The following FLT1 variants were observed in gnomAD, a reference collection of about 807,000 sequenced individuals.
FLT1 encodes the protein vascular endothelial growth factor receptor 1.
Under a neutral mutation model 156.3 loss-of-function variants are expected in FLT1, and 49 were observed. The observed-to-expected ratio is 0.31, with a 90% CI of 0.25 to 0.40. The LOEUF (loss-of-function observed/expected upper bound fraction) is 0.40, where lower values mean the gene tolerates loss of function less well. FLT1 is among the 10% of genes least tolerant of loss of function. The probability of loss-of-function intolerance (pLI) is 1.00; values close to 1 mark genes in which losing one functional copy is unlikely to be tolerated. For missense variants in FLT1, 1,322 were observed against 1,637.2 expected, an observed-to-expected ratio of 0.81 and a Z score of 3.32; for synonymous variants, 594 against 583.8, an observed-to-expected ratio of 1.02 and a Z score of -0.25.
chr13:28,375,699 A>G (rs907751365), intron 14 of FLT1, among the ~76,000 whole-genome samples: 2 of 152,324 alleles, frequency 1.3e-5, no homozygotes, highest in East Asian at 1.9e-4. Flanking sequence ...CACATATTGA[A>G]GAGACAGGGC....
At chr13:28,411,929 G>A (rs73453268) in intron 10 of FLT1, among the ~76,000 whole-genome samples, 14,686 of 152,188 alleles carry the variant, frequency 0.096, 795 homozygotes, top group African/African-American at 0.13. Flanking sequence ...TGAAATCTGA[G>A]GACTTGTGTG....
intron 20 of FLT1, among the ~76,000 whole-genome samples, chr13:28,325,816 CAAAA>C (rs377427677): frequency 1.4e-5 from 1 of 71,164 alleles, no homozygotes; most frequent in Admixed American, 1.9e-4. Flanking sequence ...AACTCTGTCT[CAAAA>C]AAAAAAAAAA....
intron 10 of FLT1, among the ~76,000 whole-genome samples, chr13:28,414,467 C>T (rs1056278988): frequency 1.3e-5 from 2 of 152,148 alleles, no homozygotes; most frequent in South Asian, 2.1e-4. Context: ...AAAATGCACA[C>T]ATAAGGGAAA....
intron 1 of FLT1, among the ~76,000 whole-genome samples, chr13:28,476,185 A>C (rs1211230415): frequency 2.0e-5 from 3 of 152,190 alleles, no homozygotes; most frequent in African/African-American, 7.2e-5. Flanking sequence ...CTCCATGAGA[A>C]CGTCAAGTTT....
At chr13:28,370,733 C>T (rs1045625599) in intron 14 of FLT1, among the ~76,000 whole-genome samples, 3 of 152,202 alleles carry the variant, frequency 2.0e-5, no homozygotes, top group Non-Finnish European at 4.4e-5. Context: ...TATTTGTAAA[C>T]TGTGAACACA....
At chr13:28,459,622 C>T (rs939228240) in intron 3 of FLT1, among the ~76,000 whole-genome samples, 2 of 152,200 alleles carry the variant, frequency 1.3e-5, no homozygotes, top group African/African-American at 4.8e-5. Flanking sequence ...AAATCTATGC[C>T]TAAAAAATTC....
At chr13:28,344,240 C>T (rs1285137414) in intron 16 of FLT1, among the ~76,000 whole-genome samples, 1 of 152,078 alleles carries the variant, frequency 6.6e-6, no homozygotes, top group African/African-American at 2.4e-5. Flanking sequence ...GCAGCCTCAC[C>T]TCATACCTTG....
chr13:28,304,359 C>T (rs545491983), intron 29 of FLT1, among the ~76,000 whole-genome samples: 16 of 152,304 alleles, frequency 1.1e-4, no homozygotes, highest in African/African-American at 2.6e-4. Context: ...GAAACACACA[C>T]GCAGATGTTT....
chr13:28,412,380 C>CT (rs1566013115), intron 10 of FLT1, among the ~76,000 whole-genome samples: 18 of 117,894 alleles, frequency 1.5e-4, no homozygotes, highest in Non-Finnish European at 1.7e-4. Context: ...TTCTTTCTTT[C>CT]TTTCTTTCTT....
intron 4 of FLT1, among the ~76,000 whole-genome samples, chr13:28,437,977 C>T (rs17086681): frequency 0.056 from 8,531 of 152,262 alleles, 449 homozygotes; most frequent in Admixed American, 0.17. Context: ...ACATTTTTCA[C>T]GATTTCAGTT....
intron 16 of FLT1, among the ~76,000 whole-genome samples, chr13:28,343,625 CTTCTT>C (rs1186299023): frequency 6.6e-6 from 1 of 151,148 alleles, no homozygotes; most frequent in Non-Finnish European, 1.5e-5. Context: ...CAAAATTTCT[CTTCTT>C]TTCTTTTTTT....
intron 3 of FLT1, among the ~76,000 whole-genome samples, chr13:28,460,802 A>ATG (rs1879531374): frequency 8.6e-6 from 1 of 116,272 alleles, no homozygotes; most frequent in Non-Finnish European, 1.7e-5. Flanking sequence ...CCCATTACAC[A>ATG]CACACACACA....
At chr13:28,405,754 C>A (rs897845316) in intron 11 of FLT1, 26 bp downstream of exon 11, 1 of 1,169,186 alleles carries the variant, frequency 8.6e-7, no homozygotes, top group Non-Finnish European at 1.3e-6. Flanking sequence ...AATAAATATC[C>A]CAGTGCGCAT....
At chr13:28,483,674 G>C (rs1233914587) in intron 1 of FLT1, among the ~76,000 whole-genome samples, 1 of 152,170 alleles carries the variant, frequency 6.6e-6, no homozygotes, top group Non-Finnish European at 1.5e-5. Context: ...GAAGGAGGGA[G>C]AGACACAGGA....
intron 14 of FLT1, among the ~76,000 whole-genome samples, chr13:28,373,366 C>G (rs954803938): frequency 6.6e-6 from 1 of 152,022 alleles, no homozygotes; most frequent in African/African-American, 2.4e-5. Context: ...GGGAGGTGAA[C>G]TTTCTTGACT....
intron 3 of FLT1, among the ~76,000 whole-genome samples, chr13:28,458,118 G>A (rs1367967202): frequency 6.6e-6 from 1 of 151,800 alleles, no homozygotes; most frequent in East Asian, 1.9e-4. Context: ...TGTACTTTTA[G>A]TAGAGACGGG....
intron 1 of FLT1, among the ~76,000 whole-genome samples, chr13:28,486,007 CTA>C (rs528978895): frequency 2.0e-4 from 30 of 152,288 alleles, no homozygotes; most frequent in Middle Eastern, 3.4e-3. Flanking sequence ...TGTTGGGTGA[CTA>C]AGTTTTGGCA....
intron 10 of FLT1, among the ~76,000 whole-genome samples, chr13:28,419,870 C>G (rs902982442): frequency 6.6e-6 from 1 of 152,220 alleles, no homozygotes. Flanking sequence ...CAGAGCAAGA[C>G]TCCGTCTCAA....
At chr13:28,320,300 T>C (rs1871392704) in intron 23 of FLT1, among the ~76,000 whole-genome samples, 1 of 152,200 alleles carries the variant, frequency 6.6e-6, no homozygotes, top group African/African-American at 2.4e-5. Context: ...AAAGTCTGTT[T>C]TCCTTTATTT....
Sources: gnomAD v4.1 joint callset for allele counts (sites outside exome capture counted in the v4.1 genomes callset) on GRCh38, gnomAD v4.1.1 for gene constraint, MANE v1.5 for transcripts, NCBI Gene and HGNC (gene_info 2026-07-23, HGNC 2026-07-21) for gene names.